C13orf46: variants seen among roughly 807,000 people sequenced by gnomAD.
C13orf46 encodes chromosome 13 open reading frame 46, also known as uncharacterized protein C13orf46.
intron 5 of C13orf46, among the ~76,000 whole-genome samples, chr13:113,965,797 GTGGTGA>G (rs2052633925): frequency 7.0e-6 from 1 of 143,560 alleles, no homozygotes; most frequent in African/African-American, 2.8e-5. Context: ...AATTATAATG[GTGGTGA>G]TGATGGTGAA....
the C13orf46 span, chr13:113,927,305 C>A: frequency 2.6e-5 from 10 of 378,222 alleles, no homozygotes; most frequent in Non-Finnish European, 4.7e-5. Flanking sequence ...GGGACAGGCT[C>A]CTCGCTGGGG....
At chr13:113,930,378 GCGGGGGCGC>G in the C13orf46 span, among the ~76,000 whole-genome samples, 1 of 98,482 alleles carries the variant, frequency 1.0e-5, no homozygotes, top group African/African-American at 4.9e-5. Flanking sequence ...GAGCACCGAG[GCGGGGGCGC>G]AGGAGCACCG....
the C13orf46 span, among the ~76,000 whole-genome samples, chr13:113,933,598 G>A: frequency 6.6e-6 from 1 of 152,122 alleles, no homozygotes; most frequent in Admixed American, 6.5e-5. Flanking sequence ...GGGAGAGTTG[G>A]CATCTTCCAT....
At chr13:113,966,834 C>G (rs1028775001) in intron 5 of C13orf46, among the ~76,000 whole-genome samples, 19 of 151,980 alleles carry the variant, frequency 1.3e-4, no homozygotes, top group Non-Finnish European at 1.9e-4. Context: ...GATAAGCTTT[C>G]CTGGGTGTGA....
intron 6 of C13orf46, among the ~76,000 whole-genome samples, chr13:113,963,574 CCT>C (rs1485788821): frequency 1.8e-4 from 27 of 147,520 alleles, no homozygotes; most frequent in Middle Eastern, 3.7e-3. Flanking sequence ...CAGCCTCGCC[CCT>C]GTCCTCAGCC....
the C13orf46 span, chr13:113,927,251 G>C: frequency 3.2e-6 from 1 of 308,436 alleles, no homozygotes; most frequent in African/African-American, 2.1e-5. Context: ...TCTGGTCAGT[G>C]AAACTCTCAG....
chr13:113,953,359 TG>T (rs1445880182), downstream of C13orf46, among the ~76,000 whole-genome samples: 1 of 152,136 alleles, frequency 6.6e-6, no homozygotes, highest in Non-Finnish European at 1.5e-5. Context: ...GAGCAGCACG[TG>T]GAACTTTACC....
chr13:113,960,796 C>G (rs963211225), intron 6 of C13orf46, among the ~76,000 whole-genome samples: 2 of 152,342 alleles, frequency 1.3e-5, no homozygotes, highest in South Asian at 2.1e-4. Flanking sequence ...CTGTGTCAGG[C>G]GAGGTTCCAT....
the C13orf46 span, among the ~76,000 whole-genome samples, chr13:113,945,874 CAGG>C: frequency 6.6e-6 from 1 of 152,142 alleles, no homozygotes; most frequent in Non-Finnish European, 1.5e-5. Context: ...GGCCATGTGA[CAGG>C]AGGTCAGCCA....
At chr13:113,944,249 G>C in the C13orf46 span, among the ~76,000 whole-genome samples, 4 of 152,024 alleles carry the variant, frequency 2.6e-5, no homozygotes, top group African/African-American at 9.7e-5. Context: ...ATGCAGAGAA[G>C]CTGCCCAGCT....
At chr13:113,942,142 C>G in the C13orf46 span, among the ~76,000 whole-genome samples, 2 of 152,372 alleles carry the variant, frequency 1.3e-5, no homozygotes, top group South Asian at 2.1e-4. Flanking sequence ...TTGCAAACCA[C>G]AGAATCCACT....
Position 113,956,042 on chromosome 13 carries a change from A to AGGAGTAGGATCTGGCGGAGAG in C13orf46, c.*730_*731insCTCTCCGCCAGATCCTACTCC. On this transcript the variant is annotated 3_prime_UTR_variant, in exon 7 of 7. Transcript: ENST00000636427. ...GGAGAGGAGGAGTAGGATCTGGCAGAGAGGAGTAGGATCTGGCGGAGAGGA... is the reference window on the plus strand; with the variant it reads ...GGAGAGGAGGAGTAGGATCTGGCAGAGGAGTAGGATCTGGCGGAGAGGAGGAGTAGGATCTGGCGGAGAGGA... 1 of 148,576 alleles carries AGGAGTAGGATCTGGCGGAGAG rather than the reference A, an allele frequency of 6.7e-6. No homozygotes were observed. Among genetic ancestry groups the AGGAGTAGGATCTGGCGGAGAG allele is most frequent in the East Asian group, 2.3e-4 (1 of 4,346 alleles). 9.2% of individuals were successfully genotyped at this position (148,576 alleles called of 1,614,324 possible).
At chr13:113,950,785 G>T (rs1319866506), downstream of C13orf46, among the ~76,000 whole-genome samples, 11 of 152,192 alleles carry the variant, frequency 7.2e-5, no homozygotes, top group Non-Finnish European at 1.6e-4. Context: ...GGAGACACAG[G>T]AGAGACTCCC....
At chr13:113,972,591 C>A (rs1375538218) in intron 1 of C13orf46, among the ~76,000 whole-genome samples, 2 of 152,188 alleles carry the variant, frequency 1.3e-5, no homozygotes, top group South Asian at 2.1e-4. Flanking sequence ...GACTGCAGCA[C>A]CATCCCCAGG....
At chr13:113,952,510 T>C (rs2052493441), downstream of C13orf46, among the ~76,000 whole-genome samples, 1 of 152,200 alleles carries the variant, frequency 6.6e-6, no homozygotes. Context: ...GGGAGGGCTC[T>C]GACAGCCTCG....
chr13:113,951,642 C>T (rs2052489152), downstream of C13orf46, among the ~76,000 whole-genome samples: 1 of 151,494 alleles, frequency 6.6e-6, no homozygotes, highest in Non-Finnish European at 1.5e-5. Context: ...CTCCTCCAGG[C>T]CCCAGCGCCT....
the C13orf46 span, among the ~76,000 whole-genome samples, chr13:113,940,419 G>A: frequency 6.6e-6 from 1 of 152,220 alleles, no homozygotes; most frequent in Admixed American, 6.5e-5. Context: ...GTTTCCTATG[G>A]GGCTCTGCGT....
At chr13:113,971,989 G>T (rs1192043718) in intron 1 of C13orf46, among the ~76,000 whole-genome samples, 2 of 152,184 alleles carry the variant, frequency 1.3e-5, no homozygotes, top group African/African-American at 4.8e-5. Context: ...GCTGTGCAGG[G>T]TGGACATCTT....
the C13orf46 span, among the ~76,000 whole-genome samples, chr13:113,934,687 A>G: frequency 1.3e-5 from 2 of 152,230 alleles, no homozygotes; most frequent in African/African-American, 4.8e-5. Flanking sequence ...GATCCTCACC[A>G]CGCCATCTGG....
Sources: gnomAD v4.1 joint callset for allele counts (sites outside exome capture counted in the v4.1 genomes callset) on GRCh38, gnomAD v4.1.1 for gene constraint, MANE v1.5 for transcripts, NCBI Gene and HGNC (gene_info 2026-07-23, HGNC 2026-07-21) for gene names.